Variants in ITGAE observed in about 807,000 individuals in gnomAD.
ITGAE encodes the protein integrin alpha-E.
Under a neutral mutation model 136.5 loss-of-function variants are expected in ITGAE, and 99 were observed. The observed-to-expected ratio is 0.73, with a 90% CI of 0.62 to 0.86. ITGAE has a LOEUF of 0.86. Among genes scored for constraint, ITGAE ranks in the 40% least tolerant of loss-of-function variants. The probability of loss-of-function intolerance (pLI) is 0.00; values close to 1 mark genes in which losing one functional copy is unlikely to be tolerated. For synonymous variants in ITGAE, 613 were observed against 591.8 expected (o/e 1.04, Z -0.52); for missense variants, 1,447 against 1,515.3 (o/e 0.95, Z 0.75).
intron 8 of ITGAE, among the ~76,000 whole-genome samples, chr17:3,758,508 A>G (rs954950012): frequency 2.0e-5 from 3 of 152,016 alleles, no homozygotes; most frequent in Non-Finnish European, 2.9e-5. Context: ...CTGGAGTGCA[A>G]TAGCACGATC....
chr17:3,745,692 C>G (rs780046499), intron 18 of ITGAE, 72 bp downstream of exon 18: 56 of 1,442,428 alleles, frequency 3.9e-5, no homozygotes, highest in Admixed American at 2.1e-4. Flanking sequence ...ATGTGCCCTT[C>G]ACTGCATCAC....
intron 24 of ITGAE, 69 bp downstream of exon 24, chr17:3,729,409 G>T: frequency 1.0e-6 from 1 of 952,674 alleles, no homozygotes; most frequent in South Asian, 1.3e-5. Flanking sequence ...CTCCATCTAC[G>T]AGAGAGAGCC....
intron 10 of ITGAE, 42 bp downstream of exon 10, chr17:3,756,942 G>T: frequency 6.3e-7 from 1 of 1,582,538 alleles, no homozygotes; most frequent in Non-Finnish European, 8.6e-7. Flanking sequence ...CTGGAGCATA[G>T]GCTCGGGCCT....
chr17:3,731,034 G>C, intron 23 of ITGAE, 70 bp downstream of exon 23: 1 of 1,276,244 alleles, frequency 7.8e-7, no homozygotes, highest in African/African-American at 1.5e-5. Flanking sequence ...TCCTCTCACA[G>C]CGTGCATGTG....
chr17:3,716,923 G>A, intron 29 of ITGAE, 125 bp from the exon 30 acceptor site: 1 of 613,212 alleles, frequency 1.6e-6, no homozygotes, highest in Non-Finnish European at 2.9e-6. Flanking sequence ...CAAAGCTGAT[G>A]ACAGTAAAGC....
intron 19 of ITGAE, among the ~76,000 whole-genome samples, chr17:3,742,921 G>T (rs1182716125): frequency 6.6e-6 from 1 of 152,216 alleles, no homozygotes; most frequent in East Asian, 1.9e-4. Flanking sequence ...CAAAGTGTTG[G>T]GATTACAGGC....
intron 2 of ITGAE, among the ~76,000 whole-genome samples, chr17:3,770,338 C>T (rs1417371608): frequency 1.3e-5 from 2 of 151,880 alleles, no homozygotes; most frequent in East Asian, 3.9e-4. Context: ...CCATGTTGGC[C>T]AGGCTGGTCT....
At chr17:3,728,285 C>A in intron 24 of ITGAE, 117 bp from the exon 25 acceptor site, 1 of 790,272 alleles carries the variant, frequency 1.3e-6, no homozygotes, top group Non-Finnish European at 2.2e-6. Flanking sequence ...CTCAGTGTAG[C>A]CTCAACCTCC....
intron 14 of ITGAE, among the ~76,000 whole-genome samples, chr17:3,752,206 G>A (rs1355283916): frequency 1.3e-5 from 2 of 152,226 alleles, no homozygotes; most frequent in Admixed American, 1.3e-4. Context: ...CTCCTACCTG[G>A]AAGTTCAGGA....
intron 3 of ITGAE, among the ~76,000 whole-genome samples, chr17:3,762,699 G>A (rs2052204867): frequency 1.4e-5 from 2 of 146,048 alleles, no homozygotes; most frequent in African/African-American, 5.1e-5. Context: ...CCAGGTTCAC[G>A]CCATTCTCCT....
chr17:3,795,457 C>G (rs1204183763), intron 1 of ITGAE, among the ~76,000 whole-genome samples: 1 of 152,256 alleles, frequency 6.6e-6, no homozygotes, highest in Admixed American at 6.5e-5. Context: ...GCACCTGTTG[C>G]CTTCCAGGCA....
chr17:3,735,796 C>T (rs566214877), intron 20 of ITGAE, among the ~76,000 whole-genome samples: 11 of 152,320 alleles, frequency 7.2e-5, no homozygotes, highest in South Asian at 4.1e-4. Context: ...GCGTCTCACA[C>T]GCTCAACCCT....
intron 2 of ITGAE, among the ~76,000 whole-genome samples, chr17:3,768,776 G>A (rs985528402): frequency 6.6e-6 from 1 of 152,116 alleles, no homozygotes; most frequent in African/African-American, 2.4e-5. Context: ...CCTATTATCT[G>A]TCTCCCCACG....
chr17:3,717,011 T>G (rs1399115581), intron 29 of ITGAE: 3 of 478,966 alleles, frequency 6.3e-6, no homozygotes, highest in Non-Finnish European at 1.1e-5. Context: ...CGTAAGAAAC[T>G]ATTCTGGCCC....
At chr17:3,761,720 C>T (rs1285718283) in intron 4 of ITGAE, among the ~76,000 whole-genome samples, 195 bp downstream of exon 4, 1 of 152,188 alleles carries the variant, frequency 6.6e-6, no homozygotes, top group Non-Finnish European at 1.5e-5. Context: ...TGTGCTGGGT[C>T]ACAGGGAATA....
In ITGAE at chr17:3,715,632, G is replaced by T. The variant is rs28496695; in HGVS notation, c.3445-690C>A. On this transcript the variant is annotated intron_variant, in intron 30 of 30. Transcript: ENST00000263087. ...CTTCGGGAGGCCAAGATGAGAAGAT[G>T]GCTCGAGCCCCGGAGTTTGAGACCA... Among the ~76,000 whole-genome samples, 3 of 152,072 alleles carry T rather than the reference G, an allele frequency of 2.0e-5. No individual in the cohort carries two copies. The East Asian group carries it at 5.8e-4, about 29-fold the overall frequency.
chr17:3,781,697 T>C (rs2143357630), intron 1 of ITGAE, among the ~76,000 whole-genome samples: 1 of 152,360 alleles, frequency 6.6e-6, no homozygotes, highest in African/African-American at 2.4e-5. Flanking sequence ...TCCATCTGGA[T>C]TTTATTTTTA....
intron 28 of ITGAE, among the ~76,000 whole-genome samples, chr17:3,722,704 G>A (rs1483910918): frequency 6.6e-6 from 1 of 152,082 alleles, no homozygotes; most frequent in Non-Finnish European, 1.5e-5. Flanking sequence ...TGAAGTTGAA[G>A]AATTAAGCAG....
intron 1 of ITGAE, among the ~76,000 whole-genome samples, chr17:3,794,243 C>G (rs924131283): frequency 6.6e-6 from 1 of 152,104 alleles, no homozygotes; most frequent in African/African-American, 2.4e-5. Context: ...TCCTAAAGTG[C>G]TGGAATTACA....
Sources: allele counts gnomAD v4.1 joint callset (sites outside exome capture counted in the v4.1 genomes callset), GRCh38; gene constraint gnomAD v4.1.1; transcripts MANE v1.5; gene names NCBI Gene and HGNC (gene_info 2026-07-23, HGNC 2026-07-21).